Variants in INSR observed in about 807,000 individuals in gnomAD.
The protein encoded by INSR is IR.
INSR carries 67 observed loss-of-function variants against 142.6 expected under a neutral mutation model. The observed-to-expected ratio is 0.47, with a 90% CI of 0.39 to 0.58. INSR has a LOEUF of 0.58. Ranked by LOEUF, INSR falls within the 20% of genes least tolerant of loss-of-function variation. The probability of loss-of-function intolerance (pLI) is 0.00; values close to 1 mark genes in which losing one functional copy is unlikely to be tolerated. For missense variants in INSR, 1,248 were observed against 1,833.2 expected (o/e 0.68, Z 5.83); for synonymous variants, 756 against 743.1 (o/e 1.02, Z -0.28).
intron 19 of INSR, 130 bp downstream of exon 19, chr19:7,122,484 C>G (rs1319921110): frequency 4.8e-6 from 4 of 838,532 alleles, no homozygotes; most frequent in Non-Finnish European, 5.4e-6. Context: ...AAAAACCCCA[C>G]AAAAAAAAAA....
At chr19:7,118,770 C>G (rs1227355172) in intron 21 of INSR, among the ~76,000 whole-genome samples, 1 of 136,834 alleles carries the variant, frequency 7.3e-6, no homozygotes, top group African/African-American at 2.6e-5. Flanking sequence ...AAAAAATTAG[C>G]CAGGCGCGGT....
chr19:7,274,590 G>C (rs1968011057), intron 1 of INSR, among the ~76,000 whole-genome samples: 1 of 151,924 alleles, frequency 6.6e-6, no homozygotes, highest in Admixed American at 6.6e-5. Flanking sequence ...CACGAGGTCA[G>C]GAGATCAAGA....
intron 2 of INSR, among the ~76,000 whole-genome samples, chr19:7,234,189 A>G (rs763735787): frequency 6.6e-6 from 1 of 151,868 alleles, no homozygotes; most frequent in Non-Finnish European, 1.5e-5. Flanking sequence ...GATTACAGGC[A>G]TCAGTCACTG....
rs1972320082 is a variant in INSR, at chr19:7,116,214, G to A, written c.*842C>T. ...AAATGCTCCTCCCTTGGCCACCAATGTGAAGGGAGGGTAGAAACCTGAGGC... is the reference window on the plus strand; with the variant it reads ...AAATGCTCCTCCCTTGGCCACCAATATGAAGGGAGGGTAGAAACCTGAGGC... On this transcript the variant is annotated 3_prime_UTR_variant, in exon 22 of 22. Transcript: ENST00000302850. 1 of 148,254 alleles carries A rather than the reference G, an allele frequency of 6.7e-6. No homozygotes were observed. The highest frequency in any genetic ancestry group is 6.8e-5 in the Admixed American group (1 of 14,604). 9.2% of individuals were successfully genotyped at this position (148,254 alleles called of 1,614,324 possible). A position where few individuals can be genotyped will look rare whatever the true frequency, so the allele number is the denominator to read the frequency against.
intron 2 of INSR, among the ~76,000 whole-genome samples, chr19:7,197,516 G>GGGTGT (rs1974790392): frequency 4.2e-5 from 3 of 70,924 alleles, no homozygotes; most frequent in African/African-American, 1.2e-4. Flanking sequence ...TGGGAGTGGG[G>GGGTGT]GTGTGTGTGT....
chr19:7,158,366 T>A (rs1002350715), intron 9 of INSR, among the ~76,000 whole-genome samples: 1 of 151,998 alleles, frequency 6.6e-6, no homozygotes, highest in African/African-American at 2.4e-5. Flanking sequence ...CCGGGCGTGG[T>A]GGCGGGCGCC....
intron 19 of INSR, among the ~76,000 whole-genome samples, chr19:7,121,938 T>C (rs1972501107): frequency 6.7e-6 from 1 of 149,602 alleles, no homozygotes; most frequent in Non-Finnish European, 1.5e-5. Flanking sequence ...AGGTCAGGAG[T>C]TTGAGACCAT....
intron 6 of INSR, among the ~76,000 whole-genome samples, chr19:7,170,179 T>A (rs1568461683): frequency 6.6e-6 from 1 of 152,032 alleles, no homozygotes; most frequent in Non-Finnish European, 1.5e-5. Context: ...AGCGGCGGCA[T>A]TAGATTCTCA....
chr19:7,147,467 G>A (rs111732745), intron 11 of INSR, among the ~76,000 whole-genome samples: 6 of 152,100 alleles, frequency 3.9e-5, no homozygotes, highest in South Asian at 4.2e-4. Flanking sequence ...GAGTCACTGC[G>A]CCCAGCCTGT....
chr19:7,156,360 C>T (rs1338395184), intron 9 of INSR, among the ~76,000 whole-genome samples: 1 of 152,052 alleles, frequency 6.6e-6, no homozygotes, highest in Non-Finnish European at 1.5e-5. Flanking sequence ...CACACTGGGC[C>T]TCCACATGGA....
At chr19:7,200,629 A>C (rs1974925954) in intron 2 of INSR, among the ~76,000 whole-genome samples, 1 of 152,070 alleles carries the variant, frequency 6.6e-6, no homozygotes. Flanking sequence ...GCTTGAGCCT[A>C]GGAGTTCAAG....
intron 13 of INSR, among the ~76,000 whole-genome samples, chr19:7,140,644 AG>A (rs1973046033): frequency 6.6e-6 from 1 of 152,118 alleles, no homozygotes; most frequent in South Asian, 2.1e-4. Flanking sequence ...CAGTCCCAAG[AG>A]GTATATTATT....
rs186118528 is a variant in INSR at position 7,282,663 on chromosome 19, C to G, written c.100+11129G>C. Among the ~76,000 whole-genome samples, 44 of 151,750 alleles carry G rather than the reference C, an allele frequency of 2.9e-4. No homozygotes were observed. The East Asian group carries it at 7.2e-3, about 25-fold the overall frequency. ...TGACACTGCATTCCAGCCTGGGCAA[C>G]GGAGTAAGACTGCTCAAAATAATAA... On this transcript the variant is annotated intron_variant, in intron 1 of 21. Coordinates refer to ENST00000302850, the MANE Select transcript of INSR (RefSeq NM_000208.4).
intron 2 of INSR, among the ~76,000 whole-genome samples, chr19:7,217,742 G>A (rs1975480148): frequency 6.6e-6 from 1 of 152,140 alleles, no homozygotes; most frequent in Admixed American, 6.5e-5. Flanking sequence ...TGTATTTTTA[G>A]TAGAGACGGG....
Position 7,128,882 on chromosome 19 carries a change from A to G in INSR, c.2915T>C (p.Ile972Thr). 6.2e-7 allele frequency: 1 copy of G among 1,613,996 alleles called. No homozygotes were observed. The highest frequency in any genetic ancestry group is 2.2e-5 in the East Asian group (1 of 44,890). The change falls in exon 15 of 22, where the codon ATT becomes ACT. Residue 972 changes from isoleucine (I) to threonine (T), a missense_variant. This residue lies in a region of INSR where 1,069 missense variants were observed against 1,654.0 expected (regional missense o/e 0.65). Transcript: ENST00000302850. ...TCTCAGGAATAGATAAATACTTCCAATCACAACACTGAAGAGAAAGACAAA... is the reference window on the plus strand; with the variant it reads ...TCTCAGGAATAGATAAATACTTCCAGTCACAACACTGAAGAGAAAGACAAA... Reference protein sequence around the residue: ...LIFVFLFSVVIGSIYLFLRKR... With the variant: ...LIFVFLFSVVTGSIYLFLRKR...
intron 2 of INSR, among the ~76,000 whole-genome samples, chr19:7,244,666 T>C (rs1976475026): frequency 6.6e-6 from 1 of 152,222 alleles, no homozygotes; most frequent in African/African-American, 2.4e-5. Flanking sequence ...GAATAATCTA[T>C]TCTCTAATCC....
chr19:7,280,586 G>A (rs1289102250), intron 1 of INSR, among the ~76,000 whole-genome samples: 4 of 150,646 alleles, frequency 2.7e-5, no homozygotes, highest in Non-Finnish European at 4.4e-5. Flanking sequence ...GCATGGTGGC[G>A]TATGCCTGTA....
chr19:7,223,952 T>A (rs145902499), intron 2 of INSR, among the ~76,000 whole-genome samples: 4 of 57,204 alleles, frequency 7.0e-5, no homozygotes, highest in Non-Finnish European at 1.8e-4. Context: ...AAAAAAAAAT[T>A]TTTTTTTTTT....
rs774340801 is a variant in INSR, at chr19:7,143,062, C to T, written c.2296G>A (p.Asp766Asn). 19 of 1,614,192 alleles carry T rather than the reference C, an allele frequency of 1.2e-5. No individual in the cohort carries two copies. The South Asian group carries it at 1.2e-4, about 10-fold the overall frequency. ...RPSRKRRSLGDVGNVTVAVPT... is the reference protein window; with the variant it reads ...RPSRKRRSLGNVGNVTVAVPT... ...ACGGCCACCGTCACATTCCCAACAT[C>T]GCCAAGGGACCTGCGTTTCCGAGAT... Residue 766 changes from aspartate to asparagine, a missense_variant, in exon 12 of 22, where the codon GAT becomes AAT. Physicochemically the swap from Asp to Asn is conservative, Grantham distance 23. Around this residue, in one of 3 missense-constraint regions of INSR, gnomAD observed 1,069 missense variants for 1,654.0 expected, o/e 0.65. Coordinates refer to ENST00000302850, the MANE Select transcript of INSR (RefSeq NM_000208.4).
Sources: gnomAD v4.1 joint callset for allele counts (sites outside exome capture counted in the v4.1 genomes callset) on GRCh38, gnomAD v4.1.1 for gene constraint, gnomAD v4.1.1 regional missense constraint, MANE v1.5 for transcripts, NCBI Gene and HGNC (gene_info 2026-07-23, HGNC 2026-07-21) for gene names.